The following DGKG variants were observed in gnomAD, a reference collection of about 807,000 sequenced individuals.
The protein encoded by DGKG is DAG kinase gamma.
A neutral mutation model predicts 105.3 loss-of-function variants in DGKG; 78 were observed. The ratio of observed to expected loss-of-function variants is 0.74; its 90% CI spans 0.62 to 0.89. DGKG has a LOEUF of 0.89. Among genes scored for constraint, DGKG ranks in the 40% least tolerant of loss-of-function variants. The pLI, the probability that DGKG is intolerant of heterozygous loss-of-function variation, is 0.00. For missense variants in DGKG, 958 were observed against 1,020.1 expected (o/e 0.94, Z 0.83); for synonymous variants, 346 against 367.1 (o/e 0.94, Z 0.66).
intron 19 of DGKG, 135 bp downstream of exon 19, chr3:186,251,624 T>C (rs900313692): frequency 6.4e-6 from 6 of 938,094 alleles, no homozygotes; most frequent in Non-Finnish European, 9.7e-6. Flanking sequence ...AGTTTCAGAA[T>C]GCTTGGACCC....
chr3:186,246,593 T>C (rs955562650), intron 19 of DGKG, among the ~76,000 whole-genome samples: 8 of 152,194 alleles, frequency 5.3e-5, no homozygotes, highest in Non-Finnish European at 1.2e-4. Flanking sequence ...TTATGGGAGA[T>C]TGGGGAATGG....
At position 186,284,764 on chromosome 3, in the gene DGKG, T is replaced by C; in HGVS notation, c.545-55A>G. ...GTGTCCTCTAAGAAGCGCGGATGGC[T>C]GAAGTTTTGATGCTGCCAGGTTTTT... On this transcript the variant is annotated intron_variant, in intron 6 of 24. Coordinates refer to ENST00000265022, the MANE Select transcript of DGKG (RefSeq NM_001346.3). This position sits in a 1 kb window ranked among gnomAD's most constrained non-coding sequence, Gnocchi z 4.0. 6.8e-7 allele frequency: 1 copy of C among 1,473,816 alleles called. No individual in the cohort carries two copies. Among genetic ancestry groups the C allele is most frequent in the Admixed American group, 1.7e-5 (1 of 58,932 alleles). 91.3% of individuals were successfully genotyped at this position (1,473,816 alleles called of 1,614,324 possible).
chr3:186,315,027 C>T (rs1724749698), intron 2 of DGKG, among the ~76,000 whole-genome samples: 1 of 152,164 alleles, frequency 6.6e-6, no homozygotes, highest in African/African-American at 2.4e-5. Flanking sequence ...GGCATCCCCA[C>T]ATGCACACAC....
intron 1 of DGKG, among the ~76,000 whole-genome samples, chr3:186,343,153 T>A (rs1726162995): frequency 1.3e-5 from 2 of 152,202 alleles, no homozygotes; most frequent in African/African-American, 4.8e-5. Flanking sequence ...AACAGCTTAG[T>A]CTATCGCTTG....
intron 21 of DGKG, among the ~76,000 whole-genome samples, chr3:186,197,020 A>G (rs1441250811): frequency 2.0e-5 from 3 of 152,164 alleles, no homozygotes; most frequent in Non-Finnish European, 4.4e-5. Context: ...AATGGATGAG[A>G]AGAGGAAGTT....
In DGKG at chr3:186,253,225, C is replaced by T. The variant is rs752679543; in HGVS notation, c.1511-43G>A. ...GAACAGAGAACCATATGCCATGGGA[C>T]TGTAGAATGTTTGAGTTGTCTTTTT... is the stretch of plus-strand genomic sequence containing the variant. On this transcript the variant is annotated intron_variant, in intron 17 of 24. Transcript: ENST00000265022. The T allele has an allele frequency of 2.0e-6, 3 of 1,509,434 alleles. No individual in the cohort carries two copies. In the Admixed American group the frequency reaches 5.0e-5, roughly 25 times the overall value. The allele number at this position is 1,509,434 out of a possible 1,614,324, so 93.5% of individuals were successfully genotyped here. A position where few individuals can be genotyped will look rare whatever the true frequency, so the allele number is the denominator to read the frequency against.
intron 19 of DGKG, among the ~76,000 whole-genome samples, chr3:186,245,032 C>T (rs183470691): frequency 0.013 from 2,016 of 151,624 alleles, 21 homozygotes; most frequent in Non-Finnish European, 0.02. Context: ...TGGAGGGGGG[C>T]GGGGAAGAAA....
chr3:186,233,539 G>A (rs977533216), intron 20 of DGKG, among the ~76,000 whole-genome samples: 1 of 152,192 alleles, frequency 6.6e-6, no homozygotes, highest in Non-Finnish European at 1.5e-5. Flanking sequence ...GACTGCAGTG[G>A]CGCGATCTCG....
At chr3:186,280,080 C>G (rs1201938784) in intron 8 of DGKG, 107 bp from the exon 9 acceptor site, 1 of 1,388,962 alleles carries the variant, frequency 7.2e-7, no homozygotes, top group East Asian at 2.3e-5. Flanking sequence ...TTGTGTTTTA[C>G]CCCTTTCCCC....
chr3:186,202,291 AAGATTC>A (rs1272678753), intron 21 of DGKG, among the ~76,000 whole-genome samples: 12 of 152,244 alleles, frequency 7.9e-5, no homozygotes, highest in Admixed American at 7.2e-4. Context: ...ACCTTCTTTA[AAGATTC>A]AGTTCTTCTA....
At chr3:186,287,480 A>G (rs1417782116) in intron 6 of DGKG, among the ~76,000 whole-genome samples, 1 of 152,220 alleles carries the variant, frequency 6.6e-6, no homozygotes, top group East Asian at 1.9e-4. Flanking sequence ...TTTATCTTTG[A>G]AATTTTCTGT....
intron 10 of DGKG, among the ~76,000 whole-genome samples, chr3:186,272,550 T>C (rs1373664141): frequency 6.6e-6 from 1 of 152,202 alleles, no homozygotes; most frequent in Non-Finnish European, 1.5e-5. Context: ...CTGCTGCGGC[T>C]GCACCTCCAC....
At chr3:186,340,363 G>T (rs1284314355) in intron 1 of DGKG, among the ~76,000 whole-genome samples, 1 of 152,160 alleles carries the variant, frequency 6.6e-6, no homozygotes, top group Admixed American at 6.5e-5. Context: ...TGGAGGGGTT[G>T]GGAGAAGAGC....
chr3:186,314,003 A>G (rs1470825307), intron 2 of DGKG, among the ~76,000 whole-genome samples: 1 of 152,128 alleles, frequency 6.6e-6, no homozygotes, highest in Non-Finnish European at 1.5e-5. Flanking sequence ...ATGTTCTCTG[A>G]CTCTGACAGT....
chr3:186,305,221 G>A (rs1351880882), intron 3 of DGKG, among the ~76,000 whole-genome samples: 1 of 152,202 alleles, frequency 6.6e-6, no homozygotes, highest in African/African-American at 2.4e-5. Context: ...GATAGGAAAT[G>A]TCAGAAAGAG....
intron 22 of DGKG, among the ~76,000 whole-genome samples, chr3:186,177,810 A>G (rs149342431): frequency 0.016 from 2,370 of 152,346 alleles, 31 homozygotes; most frequent in Non-Finnish European, 0.026. Context: ...GTTTTGTCCC[A>G]TAAGTAGGTA....
chr3:186,301,573 G>C (rs1214267849), intron 3 of DGKG, among the ~76,000 whole-genome samples: 1 of 152,230 alleles, frequency 6.6e-6, no homozygotes, highest in Non-Finnish European at 1.5e-5. Context: ...CTTGCAGTGA[G>C]CCGAGATGGC....
At chr3:186,162,692 A>C (rs1261224469) in intron 23 of DGKG, among the ~76,000 whole-genome samples, 1 of 140,570 alleles carries the variant, frequency 7.1e-6, no homozygotes, top group Non-Finnish European at 1.6e-5. Flanking sequence ...GGTGCCTGCC[A>C]CCATGTCCAG....
At chr3:186,336,041 G>A (rs755903025) in intron 1 of DGKG, among the ~76,000 whole-genome samples, 9 of 152,132 alleles carry the variant, frequency 5.9e-5, no homozygotes, top group Middle Eastern at 3.2e-3. Context: ...TTCAGGAATT[G>A]CCTTAACTCT....
Sources: gnomAD v4.1 joint callset for allele counts (sites outside exome capture counted in the v4.1 genomes callset) on GRCh38, gnomAD v4.1.1 for gene constraint, Gnocchi (gnomAD v3.1) non-coding constraint, MANE v1.5 for transcripts, NCBI Gene and HGNC (gene_info 2026-07-23, HGNC 2026-07-21) for gene names.